IL1RAPL2: variants seen among roughly 807,000 people sequenced by gnomAD.
IL1RAPL2 encodes the protein interleukin 1 receptor accessory protein like 2.
Under a neutral mutation model 44.1 loss-of-function variants are expected in IL1RAPL2, and 3 were observed. That is an observed-to-expected ratio of 0.07 (90% confidence interval 0.03 to 0.18). IL1RAPL2 has a LOEUF of 0.18. Ranked by LOEUF, IL1RAPL2 falls within the 10% of genes least tolerant of loss-of-function variation. The pLI, the probability that IL1RAPL2 is intolerant of heterozygous loss-of-function variation, is 1.00. For missense variants in IL1RAPL2, 391 were observed against 496.4 expected (o/e 0.79, Z 2.02); for synonymous variants, 181 against 178.8 (o/e 1.01, Z -0.10).
intron 1 of IL1RAPL2, among the ~76,000 whole-genome samples, chrX:104,587,237 G>A (rs750540145): frequency 9.0e-6 from 1 of 111,712 alleles, no homozygotes; most frequent in South Asian, 3.8e-4. Context: ...GGGAATAAAT[G>A]AGGTGAAGCG....
intron 1 of IL1RAPL2, among the ~76,000 whole-genome samples, chrX:104,596,571 A>G (rs976974122): frequency 9.0e-6 from 1 of 111,261 alleles, no homozygotes; most frequent in Non-Finnish European, 1.9e-5. Flanking sequence ...TTAAATAATT[A>G]AAAGAAGATT....
rs1556299024 is a variant in IL1RAPL2 at position 105,363,291 on chromosome X, T to TATATATATATATATA, written c.697+95751_697+95765dup. Among the ~76,000 whole-genome samples the TATATATATATATATA allele has an allele frequency of 7.5e-4, 53 of 70,263 alleles. 1 individual carries two copies. The highest frequency in any genetic ancestry group is 4.7e-3 in the African/African-American group (47 of 9,953). The allele number at this position is 70,263 out of a possible 115,157, so 61.0% of individuals were successfully genotyped here. The stretch of plus-strand genomic sequence containing the variant: ...TATATATGTGTGTATATATATATAA[T>TATATATATATATATA]ATATATATATATATATAATATATAT... On this transcript the variant is annotated intron_variant, in intron 5 of 10. Coordinates refer to ENST00000372582, the MANE Select transcript of IL1RAPL2 (RefSeq NM_017416.2).
intron 1 of IL1RAPL2, among the ~76,000 whole-genome samples, chrX:104,605,166 A>C (rs1180832326): frequency 4.5e-5 from 5 of 112,039 alleles, no homozygotes; most frequent in African/African-American, 1.6e-4. Context: ...TAAGAAACTC[A>C]CTCAAAACCA....
intron 2 of IL1RAPL2, among the ~76,000 whole-genome samples, chrX:105,035,107 G>T (rs1040573715): frequency 9.3e-4 from 104 of 111,508 alleles, no homozygotes; most frequent in African/African-American, 3.2e-3. Context: ...AAGTATTAGG[G>T]TGGGAGTGAC....
chrX:105,368,925 CT>C (rs371909493), intron 5 of IL1RAPL2, among the ~76,000 whole-genome samples: 1 of 109,070 alleles, frequency 9.2e-6, no homozygotes, highest in African/African-American at 3.3e-5. Context: ...AGTGACCTGT[CT>C]TCCTGTCTTC....
chrX:105,583,378 C>G (rs980811838), intron 6 of IL1RAPL2, among the ~76,000 whole-genome samples: 8 of 111,179 alleles, frequency 7.2e-5, no homozygotes, highest in Non-Finnish European at 1.5e-4. Context: ...TCGTGATCCC[C>G]CTGCCTCGGC....
intron 7 of IL1RAPL2, among the ~76,000 whole-genome samples, chrX:105,719,759 A>AAC (rs2038286960): frequency 9.1e-6 from 1 of 109,863 alleles, no homozygotes; most frequent in African/African-American, 3.4e-5. Context: ...AAAAAAAAAA[A>AAC]CCCTTGAAAT....
chrX:105,336,314 T>A (rs974654859), intron 5 of IL1RAPL2, among the ~76,000 whole-genome samples: 14 of 112,306 alleles, frequency 1.2e-4, no homozygotes, highest in African/African-American at 3.9e-4. Flanking sequence ...AAGATGTTTG[T>A]GTTTTTCTGA....
intron 5 of IL1RAPL2, among the ~76,000 whole-genome samples, chrX:105,334,939 GT>G (rs200045349): frequency 2.6e-4 from 28 of 109,693 alleles, no homozygotes; most frequent in African/African-American, 8.6e-4. Flanking sequence ...TTATATAGAG[GT>G]TTTTTTTTAA....
intron 2 of IL1RAPL2, among the ~76,000 whole-genome samples, chrX:104,702,573 T>A (rs975471095): frequency 3.6e-5 from 4 of 112,398 alleles, no homozygotes; most frequent in African/African-American, 1.3e-4. Flanking sequence ...GATAAAGTCC[T>A]CCTACACATT....
chrX:105,518,853 C>A (rs770692235), intron 6 of IL1RAPL2, among the ~76,000 whole-genome samples: 8 of 111,525 alleles, frequency 7.2e-5, no homozygotes, highest in African/African-American at 9.8e-5. Context: ...TATCTAAATT[C>A]TTGAATGGGA....
intron 2 of IL1RAPL2, among the ~76,000 whole-genome samples, chrX:104,971,030 T>G (rs1490035933): frequency 9.0e-6 from 1 of 111,645 alleles, no homozygotes; most frequent in Non-Finnish European, 1.9e-5. Flanking sequence ...AGGCCAAAGA[T>G]TAGTAATAAC....
intron 6 of IL1RAPL2, among the ~76,000 whole-genome samples, chrX:105,592,838 C>A (rs1293190152): frequency 9.0e-6 from 1 of 111,660 alleles, no homozygotes; most frequent in Non-Finnish European, 1.9e-5. Context: ...GTGAATTGCC[C>A]CATCTCTCTA....
At chrX:105,684,159 G>T (rs1026525835) in intron 6 of IL1RAPL2, among the ~76,000 whole-genome samples, 3 of 111,943 alleles carry the variant, frequency 2.7e-5, no homozygotes, top group Non-Finnish European at 5.6e-5. Context: ...TGAGGTACTT[G>T]GTTCATCTCA....
intron 4 of IL1RAPL2, among the ~76,000 whole-genome samples, chrX:105,261,054 C>T (rs2034355304): frequency 8.9e-6 from 1 of 112,014 alleles, no homozygotes; most frequent in Non-Finnish European, 1.9e-5. Flanking sequence ...AGGGTCTCCT[C>T]ACATGCTTGA....
intron 4 of IL1RAPL2, among the ~76,000 whole-genome samples, chrX:105,246,110 G>T (rs1011894432): frequency 8.9e-6 from 1 of 112,071 alleles, no homozygotes; most frequent in Non-Finnish European, 1.9e-5. Context: ...TGAGTAAATA[G>T]CTCTTTCTCA....
intron 2 of IL1RAPL2, among the ~76,000 whole-genome samples, chrX:104,907,577 G>C (rs1393683111): frequency 1.8e-4 from 20 of 111,879 alleles, no homozygotes; most frequent in Middle Eastern, 4.6e-3. Flanking sequence ...CGTCATTCAG[G>C]AGCAGGTTGT....
At chrX:104,967,174 C>T (rs1233953147) in intron 2 of IL1RAPL2, among the ~76,000 whole-genome samples, 2 of 111,899 alleles carry the variant, frequency 1.8e-5, no homozygotes, top group Non-Finnish European at 3.8e-5. Flanking sequence ...AAAGCAACTA[C>T]CAATACATTT....
chrX:105,343,163 C>CA (rs1469213616), intron 5 of IL1RAPL2, among the ~76,000 whole-genome samples: 14 of 111,874 alleles, frequency 1.3e-4, no homozygotes, highest in African/African-American at 4.6e-4. Context: ...AATCATTAGA[C>CA]ACAGCTAGTG....
Sources: gnomAD v4.1 joint callset for allele counts (sites outside exome capture counted in the v4.1 genomes callset) on GRCh38, gnomAD v4.1.1 for gene constraint, MANE v1.5 for transcripts, NCBI Gene and HGNC (gene_info 2026-07-23, HGNC 2026-07-21) for gene names.